The following ROR1 variants were observed in gnomAD, a reference collection of about 807,000 sequenced individuals.
The protein encoded by ROR1 is inactive tyrosine-protein kinase transmembrane receptor ROR1.
ROR1 carries 19 observed loss-of-function variants against 78.8 expected under a neutral mutation model. The ratio of observed to expected loss-of-function variants is 0.24; its 90% confidence interval spans 0.17 to 0.35. The LOEUF (loss-of-function observed/expected upper bound fraction) is 0.35. Ranked by LOEUF, ROR1 falls within the 10% of genes least tolerant of loss-of-function variation. ROR1 has a pLI of 1.00. For synonymous variants in ROR1, 386 were observed against 433.6 expected, an observed-to-expected ratio of 0.89 and a Z score of 1.36; for missense variants, 917 against 1,177.8, an observed-to-expected ratio of 0.78 and a Z score of 3.24.
At chr1:63,805,391 G>T (rs1006150192) in intron 1 of ROR1, among the ~76,000 whole-genome samples, 4 of 152,332 alleles carry the variant, frequency 2.6e-5, no homozygotes, top group African/African-American at 9.6e-5. Flanking sequence ...GGAGATGGTA[G>T]TATAGATCCT....
At chr1:64,153,500 C>A (rs769209207) in intron 7 of ROR1, among the ~76,000 whole-genome samples, 8 of 152,160 alleles carry the variant, frequency 5.3e-5, no homozygotes, top group Non-Finnish European at 1.2e-4. Context: ...GCAGAAGCAA[C>A]CCAAATGTCC....
intron 4 of ROR1, among the ~76,000 whole-genome samples, chr1:64,094,064 T>C (rs909908633): frequency 1.3e-5 from 2 of 152,168 alleles, no homozygotes; most frequent in Admixed American, 6.5e-5. Flanking sequence ...GATTAAACAA[T>C]GCCAACTATT....
intron 1 of ROR1, among the ~76,000 whole-genome samples, chr1:63,873,210 C>T (rs545293713): frequency 6.6e-6 from 1 of 152,226 alleles, no homozygotes; most frequent in South Asian, 2.1e-4. Context: ...AGACACGTAC[C>T]TTCCACTGAT....
intron 4 of ROR1, among the ~76,000 whole-genome samples, chr1:64,136,012 C>T (rs1649088182): frequency 6.6e-6 from 1 of 152,200 alleles, no homozygotes; most frequent in African/African-American, 2.4e-5. Context: ...GTGAGCACCA[C>T]AGCACTAACC....
At chr1:63,794,532 G>C (rs1033534411) in intron 1 of ROR1, among the ~76,000 whole-genome samples, 1 of 152,236 alleles carries the variant, frequency 6.6e-6, no homozygotes, top group African/African-American at 2.4e-5. Flanking sequence ...TGCCCTGCTG[G>C]CTGGGTCCAG....
At chr1:64,078,333 A>G (rs1386955942) in intron 4 of ROR1, among the ~76,000 whole-genome samples, 1 of 152,198 alleles carries the variant, frequency 6.6e-6, no homozygotes, top group Non-Finnish European at 1.5e-5. Flanking sequence ...AACAAAAATG[A>G]TCTGTTTGGA....
intron 4 of ROR1, among the ~76,000 whole-genome samples, chr1:64,060,933 C>G (rs1349704435): frequency 1.3e-5 from 2 of 152,190 alleles, no homozygotes. Context: ...CCAATTAAAA[C>G]AGTGCTTGTG....
intron 1 of ROR1, among the ~76,000 whole-genome samples, chr1:63,780,023 G>T (rs980990539): frequency 5.9e-5 from 9 of 152,180 alleles, no homozygotes; most frequent in African/African-American, 1.9e-4. Flanking sequence ...TGTATAAAAA[G>T]GCTCTGCTTA....
At chr1:63,775,181 G>A (rs1400160970) in intron 1 of ROR1, 6 of 152,180 alleles carry the variant, frequency 3.9e-5, no homozygotes, top group African/African-American at 1.2e-4. Context: ...GCACGCGCGC[G>A]CGCGCGCGTG....
In ROR1 at chr1:64,049,890, C is replaced by T. The variant is rs749002062; in HGVS notation, c.363C>T (p.Leu121=). The T allele has an allele frequency of 8.1e-6, 13 of 1,614,054 alleles. No homozygotes were observed. Among genetic ancestry groups the T allele is most frequent in the Non-Finnish European group, 1.1e-5 (13 of 1,180,030 alleles). The change falls in exon 3 of 9, where the codon CTC becomes CTT. Residue 121 remains leucine (L), a synonymous_variant. Transcript: ENST00000371079. The part of the protein sequence containing the change: ...IYGSRLRIRN[L]DTTDTGYFQC... ...GCTCTCGGCTGCGGATTAGAAACCT[C>T]GACACCACAGACACAGGCTACTTCC...
At chr1:63,874,992 A>G (rs1432450712) in intron 1 of ROR1, among the ~76,000 whole-genome samples, 1 of 152,126 alleles carries the variant, frequency 6.6e-6, no homozygotes, top group Admixed American at 6.6e-5. Context: ...TATCCTACTA[A>G]TGGAACCAGC....
chr1:64,023,323 A>G (rs879779304), intron 2 of ROR1, among the ~76,000 whole-genome samples: 3 of 152,224 alleles, frequency 2.0e-5, no homozygotes, highest in Admixed American at 1.3e-4. Context: ...TGAGAGAGGA[A>G]TTTGGAGAAG....
intron 1 of ROR1, among the ~76,000 whole-genome samples, chr1:63,970,587 G>A (rs571213584): frequency 6.6e-6 from 1 of 152,042 alleles, no homozygotes; most frequent in Admixed American, 6.6e-5. Context: ...AAGATCAACC[G>A]CACTTAAAAA....
At chr1:64,126,669 A>G (rs1030485785) in intron 4 of ROR1, among the ~76,000 whole-genome samples, 2 of 152,228 alleles carry the variant, frequency 1.3e-5, no homozygotes, top group Non-Finnish European at 2.9e-5. Context: ...AAGTGGGACC[A>G]AGACCCTGGT....
chr1:64,178,452 G>A lies in ROR1; in HGVS notation c.2411G>A (p.Gly804Asp). The A allele has an allele frequency of 3.7e-6, 6 of 1,614,016 alleles. No homozygotes were observed. The highest frequency in any genetic ancestry group is 5.1e-6 in the Non-Finnish European group (6 of 1,179,996). ...QGITPQGQIA[G>D]FIGPPIPQNQ... Reference sequence around the variant, plus strand: ...ATTACACCACAGGGCCAGATTGCTGGTTTCATTGGCCCGCCAATACCTCAG... The same window carrying A: ...ATTACACCACAGGGCCAGATTGCTGATTTCATTGGCCCGCCAATACCTCAG... Residue 804 changes from glycine to aspartate, a missense_variant, in exon 9 of 9, where the codon GGT (glycine) becomes GAT (aspartate). Around this residue, in one of 3 missense-constraint regions of ROR1, gnomAD observed 835 missense variants for 1,069.8 expected, o/e 0.78. Transcript: ENST00000371079. This position sits in a 1 kb window ranked among gnomAD's most constrained non-coding sequence, Gnocchi z 4.3.
At chr1:64,019,010 T>C (rs1425731706) in intron 2 of ROR1, among the ~76,000 whole-genome samples, 3 of 152,154 alleles carry the variant, frequency 2.0e-5, no homozygotes, top group African/African-American at 7.2e-5. Context: ...CTGTAATTGG[T>C]ATCACCTGGG....
At chr1:63,794,339 A>T (rs1344644492) in intron 1 of ROR1, among the ~76,000 whole-genome samples, 1 of 152,224 alleles carries the variant, frequency 6.6e-6, no homozygotes, top group East Asian at 1.9e-4. Context: ...TGAGTCGTCC[A>T]TCAACAAGAG....
At chr1:63,949,787 T>G (rs1217740105) in intron 1 of ROR1, among the ~76,000 whole-genome samples, 1 of 152,148 alleles carries the variant, frequency 6.6e-6, no homozygotes, top group Admixed American at 6.5e-5. Flanking sequence ...AACTTGAGAC[T>G]TCAGTAGTTT....
chr1:64,017,810 T>C (rs1339246928), intron 2 of ROR1, among the ~76,000 whole-genome samples: 1 of 152,172 alleles, frequency 6.6e-6, no homozygotes, highest in African/African-American at 2.4e-5. Flanking sequence ...CGAGCAAGCT[T>C]GGAAGTGTTT....
Sources: allele counts gnomAD v4.1 joint callset (sites outside exome capture counted in the v4.1 genomes callset), GRCh38; gene constraint gnomAD v4.1.1; regional missense constraint gnomAD v4.1.1; non-coding constraint Gnocchi (gnomAD v3.1); transcripts MANE v1.5; gene names NCBI Gene and HGNC (gene_info 2026-07-23, HGNC 2026-07-21).